CNTNAP2: variants seen among roughly 807,000 people sequenced by gnomAD.
The protein encoded by CNTNAP2 is contactin-associated protein-like 2.
A neutral mutation model predicts 155.2 loss-of-function variants in CNTNAP2; 98 were observed. The ratio of observed to expected loss-of-function variants is 0.63; its 90% confidence interval spans 0.54 to 0.75. The LOEUF (loss-of-function observed/expected upper bound fraction) is 0.75. Among genes scored for constraint, CNTNAP2 ranks in the 30% least tolerant of loss-of-function variants. CNTNAP2 has a pLI of 0.00. For missense variants in CNTNAP2, 1,727 were observed against 1,688.1 expected (o/e 1.02, Z -0.40); for synonymous variants, 651 against 631.2 (o/e 1.03, Z -0.47).
intron 9 of CNTNAP2, among the ~76,000 whole-genome samples, chr7:147,376,924 T>C (rs1265695362): frequency 1.3e-5 from 2 of 151,972 alleles, no homozygotes; most frequent in Admixed American, 1.3e-4. Flanking sequence ...TTTCTTTTTC[T>C]TAAAAAAGTT....
At chr7:146,324,269 G>GCAAAA (rs979743862) in intron 1 of CNTNAP2, among the ~76,000 whole-genome samples, 4 of 152,012 alleles carry the variant, frequency 2.6e-5, no homozygotes, top group African/African-American at 4.8e-5. Flanking sequence ...CAAAAGCAAA[G>GCAAAA]CAAAACAAAA....
intron 3 of CNTNAP2, among the ~76,000 whole-genome samples, chr7:147,018,743 A>G (rs1798769290): frequency 6.6e-6 from 1 of 152,076 alleles, no homozygotes; most frequent in South Asian, 2.1e-4. Context: ...TTGGATAACC[A>G]GGCACTAAGG....
chr7:146,727,928 G>A (rs554641771), intron 1 of CNTNAP2, among the ~76,000 whole-genome samples: 11 of 152,258 alleles, frequency 7.2e-5, no homozygotes, highest in African/African-American at 4.8e-5. Context: ...AGGCCACCTA[G>A]CATTTTGCTG....
chr7:148,367,860 G>A (rs1306270157), intron 21 of CNTNAP2, among the ~76,000 whole-genome samples: 1 of 151,920 alleles, frequency 6.6e-6, no homozygotes, highest in Admixed American at 6.6e-5. Flanking sequence ...ACTGTAATTT[G>A]CACCTCCTGA....
intron 19 of CNTNAP2, among the ~76,000 whole-genome samples, chr7:148,222,177 C>A (rs1342044467): frequency 6.6e-6 from 1 of 152,200 alleles, no homozygotes; most frequent in African/African-American, 2.4e-5. Context: ...CCCCCTCACC[C>A]TTTTTCACCA....
At chr7:148,335,869 A>T (rs1190208881) in intron 21 of CNTNAP2, among the ~76,000 whole-genome samples, 9 of 148,982 alleles carry the variant, frequency 6.0e-5, no homozygotes. Context: ...GTTTTTTTTC[A>T]CAACTTTAAC....
intron 1 of CNTNAP2, among the ~76,000 whole-genome samples, chr7:146,411,259 C>T (rs1450616561): frequency 6.6e-6 from 1 of 150,950 alleles, no homozygotes; most frequent in Non-Finnish European, 1.5e-5. Context: ...CGGGTTCAAG[C>T]GATTCTCCTG....
intron 17 of CNTNAP2, among the ~76,000 whole-genome samples, chr7:148,156,271 T>C (rs1313192904): frequency 6.6e-6 from 1 of 152,218 alleles, no homozygotes; most frequent in Non-Finnish European, 1.5e-5. Context: ...GTTCCTTTGG[T>C]AAAGCTTTTA....
At chr7:147,362,519 A>G (rs985069238) in intron 9 of CNTNAP2, among the ~76,000 whole-genome samples, 2 of 152,220 alleles carry the variant, frequency 1.3e-5, no homozygotes, top group African/African-American at 4.8e-5. Context: ...GTAATCATAA[A>G]CATTCTCAGA....
chr7:147,433,247 G>A (rs774021023), intron 10 of CNTNAP2, among the ~76,000 whole-genome samples: 12 of 152,052 alleles, frequency 7.9e-5, no homozygotes, highest in Admixed American at 2.0e-4. Flanking sequence ...AAGTTCCGTG[G>A]GCGAATAATT....
At chr7:147,425,100 C>T (rs1042234755) in intron 10 of CNTNAP2, among the ~76,000 whole-genome samples, 3 of 151,728 alleles carry the variant, frequency 2.0e-5, no homozygotes, top group African/African-American at 7.3e-5. Flanking sequence ...ATCCCCATCC[C>T]ATTCAATGTA....
intron 10 of CNTNAP2, among the ~76,000 whole-genome samples, chr7:147,450,648 C>G (rs915241170): frequency 6.6e-6 from 1 of 152,222 alleles, no homozygotes; most frequent in Non-Finnish European, 1.5e-5. Flanking sequence ...CTCCATTCAT[C>G]TTAACATTTG....
chr7:146,366,479 T>C (rs1007818342), intron 1 of CNTNAP2, among the ~76,000 whole-genome samples: 32 of 152,190 alleles, frequency 2.1e-4, no homozygotes, highest in Admixed American at 1.3e-3. Flanking sequence ...CACATTACTC[T>C]TCAGACAACA....
intron 12 of CNTNAP2, among the ~76,000 whole-genome samples, chr7:147,618,628 G>A (rs992216589): frequency 9.7e-5 from 14 of 144,258 alleles, no homozygotes; most frequent in Non-Finnish European, 1.8e-4. Context: ...TCAGGAAACA[G>A]CTATAAAATG....
chr7:148,418,946 C>G lies in CNTNAP2; in HGVS notation c.*3330C>G, dbSNP rs1471482001. On this transcript the variant is annotated 3_prime_UTR_variant, in exon 24 of 24. Transcript: ENST00000361727. ...TTACTTTTGAAAATCTGCTGAGCGGCCACCATATGCAGGCTGAGAGCTGGG... is the reference window on the plus strand; with the variant it reads ...TTACTTTTGAAAATCTGCTGAGCGGGCACCATATGCAGGCTGAGAGCTGGG... 6.6e-6 allele frequency: 1 copy of G among 152,128 alleles called. No homozygotes were observed. The highest frequency in any genetic ancestry group is 2.4e-5 in the African/African-American group (1 of 41,408). The allele number at this position is 152,128 out of a possible 1,614,324, so 9.4% of individuals were successfully genotyped here.
chr7:146,158,327 C>A (rs1045549221), intron 1 of CNTNAP2, among the ~76,000 whole-genome samples: 7 of 152,202 alleles, frequency 4.6e-5, no homozygotes, highest in Non-Finnish European at 1.0e-4. Flanking sequence ...ATCAGAGCGC[C>A]TCTTCTCCTC....
intron 3 of CNTNAP2, among the ~76,000 whole-genome samples, chr7:146,923,097 C>A (rs149187318): frequency 3.3e-5 from 5 of 152,248 alleles, no homozygotes; most frequent in African/African-American, 1.2e-4. Flanking sequence ...GCTGGGTGAT[C>A]TGGGGCAAGT....
At chr7:147,628,445 C>A (rs1584866118) in intron 12 of CNTNAP2, among the ~76,000 whole-genome samples, 1 of 152,066 alleles carries the variant, frequency 6.6e-6, no homozygotes, top group South Asian at 2.1e-4. Context: ...GAAAATTTGC[C>A]ACAACTAAGC....
At chr7:146,845,332 G>A (rs947090943) in intron 3 of CNTNAP2, among the ~76,000 whole-genome samples, 7 of 152,146 alleles carry the variant, frequency 4.6e-5, no homozygotes, top group Admixed American at 1.3e-4. Flanking sequence ...ATATGGAGTC[G>A]AAAGGTCTGA....
Sources: gnomAD v4.1 joint callset for allele counts (sites outside exome capture counted in the v4.1 genomes callset) on GRCh38, gnomAD v4.1.1 for gene constraint, MANE v1.5 for transcripts, NCBI Gene and HGNC (gene_info 2026-07-23, HGNC 2026-07-21) for gene names.